Variants in CAMSAP3 observed in about 807,000 individuals in gnomAD.
The protein encoded by CAMSAP3 is calmodulin-regulated spectrin-associated protein 3.
A neutral mutation model predicts 112.5 loss-of-function variants in CAMSAP3; 34 were observed. That is an observed-to-expected ratio of 0.30 (90% confidence interval 0.23 to 0.40). CAMSAP3 has a LOEUF of 0.40. Ranked by LOEUF, CAMSAP3 falls within the 10% of genes least tolerant of loss-of-function variation. The pLI is 1.00. For synonymous variants in CAMSAP3, 868 were observed against 799.8 expected (o/e 1.09, Z -1.44); for missense variants, 1,602 against 1,770.3 (o/e 0.90, Z 1.71).
intron 1 of CAMSAP3, among the ~76,000 whole-genome samples, chr19:7,599,602 T>C (rs537722058): frequency 4.6e-4 from 16 of 34,466 alleles, no homozygotes; most frequent in Non-Finnish European, 7.3e-4. Context: ...ACCCACCTAC[T>C]CACCGCACTC....
Position 7,612,638 on chromosome 19 carries a change from G to A in CAMSAP3, c.2145G>A (p.Arg715=), listed in dbSNP as rs746731891. Residue 715 remains arginine, a synonymous_variant, in exon 11 of 17, where the codon CGG becomes CGA. Transcript: ENST00000160298. ...KLSAALSSLQ[R]DMQRLTDQQQ... is the part of the protein sequence containing the mutation. ...GTGCCGCCTTGAGCTCGCTGCAGCGGGACATGCAGAGGCTCACGGACCAGC... is the reference window on the plus strand; with the variant it reads ...GTGCCGCCTTGAGCTCGCTGCAGCGAGACATGCAGAGGCTCACGGACCAGC... 59 of 1,520,494 alleles carry A rather than the reference G, an allele frequency of 3.9e-5. No individual in the cohort carries two copies. The African/African-American group carries it at 7.7e-4, about 20-fold the overall frequency. 94.2% of individuals were successfully genotyped at this position (1,520,494 alleles called of 1,614,324 possible).
intron 1 of CAMSAP3, among the ~76,000 whole-genome samples, chr19:7,603,673 C>T (rs978666685): frequency 1.3e-5 from 2 of 152,150 alleles, no homozygotes; most frequent in Non-Finnish European, 2.9e-5. Context: ...CATGGTGAGG[C>T]TTCCATCTTT....
At chr19:7,600,948 A>C (rs982571442) in intron 1 of CAMSAP3, among the ~76,000 whole-genome samples, 2 of 150,528 alleles carry the variant, frequency 1.3e-5, no homozygotes, top group African/African-American at 2.5e-5. Flanking sequence ...CCATTCACCC[A>C]CCCATTCATC....
rs1555763697 is a variant in CAMSAP3, at chr19:7,616,951, T to TG, written c.3212+329_3212+330insG. Among the ~76,000 whole-genome samples, 383 of 137,228 alleles carry TG rather than the reference T, an allele frequency of 2.8e-3. 5 individuals are homozygous for TG. In the East Asian group the frequency reaches 0.043, roughly 16 times the overall value. 90.0% of individuals were successfully genotyped at this position (137,228 alleles called of 152,430 possible). On this transcript the variant is annotated intron_variant, in intron 14 of 16. Transcript: ENST00000160298. ...TGGCCCGCCTTTTTTTTTTTTTTTT[T>TG]TTTTTTTGTTTTTTTGAGAGGGAGT... is the stretch of plus-strand genomic sequence containing the variant.
intron 1 of CAMSAP3, among the ~76,000 whole-genome samples, chr19:7,597,866 G>T (rs1484726790): frequency 1.3e-5 from 2 of 152,154 alleles, no homozygotes; most frequent in Non-Finnish European, 2.9e-5. Flanking sequence ...GACTCACCCA[G>T]TTCTGTTCTT....
Position 7,605,392 on chromosome 19 carries a change from G to C in CAMSAP3, c.315G>C (p.Leu105=). 6.5e-7 allele frequency: 1 copy of C among 1,543,592 alleles called. No individual in the cohort carries two copies. Among genetic ancestry groups the C allele is most frequent in the Non-Finnish European group, 8.8e-7 (1 of 1,140,254 alleles). Residue 105 remains leucine, a synonymous_variant, in exon 2 of 17, where the codon CTG becomes CTC. Transcript: ENST00000160298. The part of the protein sequence containing the change: ...LETPPNPSAL[L]ALLARRGTVP... ...CACCCCCCAACCCCTCTGCACTGCT[G>C]GCCCTGCTGGCGCGGAGGGGCACAG...
In CAMSAP3 at chr19:7,611,807, G is replaced by T. The variant is rs899151732; in HGVS notation, c.1314G>T (p.Pro438=). ...RSVSSDSLGP[P]RPAPARTPTQ... ...TGAGCTCGGACAGCCTGGGCCCCCCGCGTCCCGCGCCGGCCAGGACCCCCA... is the reference window on the plus strand; with the variant it reads ...TGAGCTCGGACAGCCTGGGCCCCCCTCGTCCCGCGCCGGCCAGGACCCCCA... Residue 438 remains proline (P), a synonymous_variant, in exon 11 of 17, where the codon CCG becomes CCT. Coordinates refer to ENST00000160298, the MANE Select transcript of CAMSAP3 (RefSeq NM_020902.2). The surrounding 1 kb of genome is among the most constrained non-coding windows in gnomAD (Gnocchi z 6.9). 2 of 1,594,168 alleles carry T rather than the reference G, an allele frequency of 1.3e-6. No individual in the cohort carries two copies. Among genetic ancestry groups the T allele is most frequent in the African/African-American group, 2.7e-5 (2 of 74,588 alleles).
Position 7,610,162 on chromosome 19 carries a change from C to CA in CAMSAP3, c.761-308dup, listed in dbSNP as rs2030402440. 1.3e-5 allele frequency among the ~76,000 whole-genome samples: 2 copies of CA among 151,854 alleles called. No individual in the cohort carries two copies. The highest frequency in any genetic ancestry group is 6.6e-5 in the Admixed American group (1 of 15,236). ...TGAAACCCCATCTCTACTAAAACCA[C>CA]AAAAAATTAGCCTGGTGTTGTGGCA... is the stretch of plus-strand genomic sequence containing the variant. On this transcript the variant is annotated intron_variant, in intron 5 of 16. Coordinates refer to ENST00000160298, the MANE Select transcript of CAMSAP3 (RefSeq NM_020902.2). The surrounding 1 kb of genome is among the most constrained non-coding windows in gnomAD (Gnocchi z 4.9).
At chr19:7,614,449 T>C (rs1180478796) in intron 11 of CAMSAP3, among the ~76,000 whole-genome samples, 1 of 150,526 alleles carries the variant, frequency 6.6e-6, no homozygotes, top group Non-Finnish European at 1.5e-5. Flanking sequence ...TGGGTTTAAG[T>C]GATTCTCTTG....
intron 1 of CAMSAP3, among the ~76,000 whole-genome samples, chr19:7,596,800 A>C (rs1265404774): frequency 1.3e-5 from 2 of 152,052 alleles, no homozygotes; most frequent in Non-Finnish European, 2.9e-5. Context: ...GAGGTTGGCG[A>C]GCCCAGCTGA....
rs1169786043 is a variant in CAMSAP3 at position 7,607,279 on chromosome 19, A to G, written c.621+708A>G. ...CAGAAGAAGATAGAATAACTTTCCT[A>G]ACTGAGACCCCCAGCTTCCCTAGAG... On this transcript the variant is annotated intron_variant, in intron 4 of 16. Coordinates refer to ENST00000160298, the MANE Select transcript of CAMSAP3 (RefSeq NM_020902.2). The surrounding 1 kb of genome is among the most constrained non-coding windows in gnomAD (Gnocchi z 4.9). Among the ~76,000 whole-genome samples, 1 of 152,168 alleles carries G rather than the reference A, an allele frequency of 6.6e-6. No individual in the cohort carries two copies. Among genetic ancestry groups the G allele is most frequent in the African/African-American group, 2.4e-5 (1 of 41,444 alleles).
At chr19:7,616,479 G>A (rs762643999) in intron 13 of CAMSAP3, 44 bp from the exon 14 acceptor site, 21 of 1,372,168 alleles carry the variant, frequency 1.5e-5, no homozygotes, top group Non-Finnish European at 1.9e-5. Flanking sequence ...GTTGTGGAGG[G>A]CAGGGGCTTC....
intron 1 of CAMSAP3, among the ~76,000 whole-genome samples, chr19:7,597,560 G>A (rs552925765): frequency 5.9e-5 from 9 of 152,192 alleles, no homozygotes; most frequent in African/African-American, 1.2e-4. Context: ...GTGGGGCAGG[G>A]GCACTTGCTA....
At chr19:7,614,858 T>C (rs1446567350) in intron 11 of CAMSAP3, 16 of 462,872 alleles carry the variant, frequency 3.5e-5, no homozygotes, top group Non-Finnish European at 6.3e-5. Flanking sequence ...CCTGGGTGTC[T>C]CCAGGCCAGG....
Position 7,611,802 on chromosome 19 carries a change from C to T in CAMSAP3, c.1309C>T (p.Pro437Ser), listed in dbSNP as rs761987228. Residue 437 changes from proline to serine, a missense_variant, in exon 11 of 17, where the codon CCC (proline) becomes TCC (serine). Pro to Ser is a moderately conservative substitution (Grantham distance 74). Around this residue, in one of 6 missense-constraint regions of CAMSAP3, gnomAD observed 1,100 missense variants for 1,135.7 expected, o/e 0.97. Coordinates refer to ENST00000160298, the MANE Select transcript of CAMSAP3 (RefSeq NM_020902.2). This position sits in a 1 kb window ranked among gnomAD's most constrained non-coding sequence, Gnocchi z 6.9. ...LRSVSSDSLG[P>S]PRPAPARTPT... ...CTCTGTGAGCTCGGACAGCCTGGGC[C>T]CCCCGCGTCCCGCGCCGGCCAGGAC... The T allele has an allele frequency of 5.6e-6, 9 of 1,595,936 alleles. No homozygotes were observed. The Middle Eastern group carries it at 5.0e-4, about 89-fold the overall frequency.
At position 7,605,252 on chromosome 19, in the gene CAMSAP3, C is replaced by A; in HGVS notation, c.175C>A (p.Pro59Thr). ...AEHVPPELWE[P>T]FYTDQYAQEH... is the part of the protein sequence containing the mutation. ...GCACGTGCCCCCGGAGCTGTGGGAG[C>A]CCTTCTATACCGACCAGTACGCGCA... The change falls in exon 2 of 17, where the codon CCC becomes ACC. Residue 59 changes from proline to threonine, a missense_variant. Around this residue, in one of 6 missense-constraint regions of CAMSAP3, gnomAD observed 147 missense variants for 144.6 expected, o/e 1.02. Transcript: ENST00000160298. The A allele has an allele frequency of 1.9e-6, 3 of 1,569,714 alleles. No homozygotes were observed. The highest frequency in any genetic ancestry group is 1.7e-6 in the Non-Finnish European group (2 of 1,156,846).
chr19:7,612,174 G>A lies in CAMSAP3; in HGVS notation c.1681G>A (p.Glu561Lys), dbSNP rs2030529435. 2.5e-6 allele frequency: 4 copies of A among 1,611,024 alleles called. No individual in the cohort carries two copies. Among genetic ancestry groups the A allele is most frequent in the Admixed American group, 1.7e-5 (1 of 59,740 alleles). The change falls in exon 11 of 17, where the codon GAG becomes AAG. Residue 561 changes from glutamate to lysine, a missense_variant. Transcript: ENST00000160298. ...TTCGTCCCCAGCAGCCACCAACTCCGAGGTGAAAATGACCAGCTTTGCAGA... is the reference window on the plus strand; with the variant it reads ...TTCGTCCCCAGCAGCCACCAACTCCAAGGTGAAAATGACCAGCTTTGCAGA... The part of the protein sequence containing the change: ...VASSPAATNS[E>K]VKMTSFAERK...
At chr19:7,601,247 T>C (rs1430177659) in intron 1 of CAMSAP3, among the ~76,000 whole-genome samples, 1 of 152,250 alleles carries the variant, frequency 6.6e-6, no homozygotes, top group African/African-American at 2.4e-5. Context: ...AAATTCTTAT[T>C]GTTTCTACAT....
At chr19:7,613,897 C>G (rs1164946671) in intron 11 of CAMSAP3, among the ~76,000 whole-genome samples, 3 of 152,102 alleles carry the variant, frequency 2.0e-5, no homozygotes, top group Non-Finnish European at 4.4e-5. Flanking sequence ...CTGCCTCCAT[C>G]CCGGGCCATT....
Sources: allele counts gnomAD v4.1 joint callset (sites outside exome capture counted in the v4.1 genomes callset), GRCh38; gene constraint gnomAD v4.1.1; regional missense constraint gnomAD v4.1.1; non-coding constraint Gnocchi (gnomAD v3.1); transcripts MANE v1.5; gene names NCBI Gene and HGNC (gene_info 2026-07-23, HGNC 2026-07-21).